Variants in KLHL24 observed in about 807,000 individuals in gnomAD.
KLHL24 encodes the protein kelch like family member 24.
Under a neutral mutation model 53.4 loss-of-function variants are expected in KLHL24, and 29 were observed. The observed-to-expected ratio is 0.54, with a 90% CI of 0.40 to 0.74. The LOEUF (loss-of-function observed/expected upper bound fraction) is 0.74. Among genes scored for constraint, KLHL24 ranks in the 30% least tolerant of loss-of-function variants. KLHL24 has a pLI of 0.00. For synonymous variants in KLHL24, 222 were observed against 253.7 expected (o/e 0.88, Z 1.19); for missense variants, 504 against 744.0 (o/e 0.68, Z 3.75).
intron 1 of KLHL24, chr3:183,636,399 C>CCCCCGT (rs1269907871): frequency 6.6e-6 from 1 of 152,196 alleles, no homozygotes; most frequent in Non-Finnish European, 1.5e-5. Flanking sequence ...GTTACCCCCG[C>CCCCCGT]CCCCGTCCCC....
At chr3:183,659,916 A>G (rs189459386) in intron 3 of KLHL24, among the ~76,000 whole-genome samples, 83 of 152,268 alleles carry the variant, frequency 5.5e-4, no homozygotes, top group Non-Finnish European at 1.1e-3. Context: ...ATCCTGTGCT[A>G]GGTTGAGCAG....
intron 1 of KLHL24, among the ~76,000 whole-genome samples, chr3:183,636,899 A>C (rs1378820486): frequency 6.6e-6 from 1 of 151,896 alleles, no homozygotes; most frequent in Non-Finnish European, 1.5e-5. Context: ...CTGCTGCCTG[A>C]TCCTGCAGGC....
At chr3:183,647,303 T>A (rs140166005) in intron 2 of KLHL24, among the ~76,000 whole-genome samples, 3,423 of 151,884 alleles carry the variant, frequency 0.023, 109 homozygotes, top group East Asian at 0.16. Flanking sequence ...GTAGTTCCAG[T>A]TACTCAGGAG....
chr3:183,665,272 A>G (rs557031957), intron 5 of KLHL24, among the ~76,000 whole-genome samples: 1 of 152,288 alleles, frequency 6.6e-6, no homozygotes, highest in African/African-American at 2.4e-5. Flanking sequence ...TTCTCTTCTC[A>G]TGCATCACTG....
rs770106373 is a variant in KLHL24 at position 183,650,404 on chromosome 3, G to A, written c.48G>A (p.Val16=). The A allele has an allele frequency of 3.7e-6, 6 of 1,614,118 alleles. No homozygotes were observed. Among genetic ancestry groups the A allele is most frequent in the East Asian group, 2.2e-5 (1 of 44,884 alleles). Residue 16 remains valine, a synonymous_variant, in exon 3 of 8, where the codon GTG becomes GTA. Transcript: ENST00000242810. The surrounding 1 kb of genome is among the most constrained non-coding windows in gnomAD (Gnocchi z 4.5). ...GRRLNREDLG[V]RDSPATKRKV... ...GACTAAACAGAGAGGATCTTGGGGTGCGTGATTCCCCAGCAACTAAGCGAA... is the reference window on the plus strand; with the variant it reads ...GACTAAACAGAGAGGATCTTGGGGTACGTGATTCCCCAGCAACTAAGCGAA...
At position 183,683,350 on chromosome 3, in the gene KLHL24, A is replaced by C. The variant is rs1712886896; in HGVS notation, c.*4064A>C. 1 of 152,626 alleles carries C rather than the reference A, an allele frequency of 6.6e-6. No individual in the cohort carries two copies. The highest frequency in any genetic ancestry group is 1.5e-5 in the Non-Finnish European group (1 of 68,018). 9.5% of individuals were successfully genotyped at this position (152,626 alleles called of 1,614,324 possible). On this transcript the variant is annotated 3_prime_UTR_variant, in exon 8 of 8. Coordinates refer to ENST00000242810, the MANE Select transcript of KLHL24 (RefSeq NM_017644.3). The stretch of plus-strand genomic sequence containing the variant: ...TAAACTCAAGACACCAGTTAACCTC[A>C]ACAGAGTTTTGGCCTTATTAGAATT...
chr3:183,676,262 A>C (rs1490459635), intron 7 of KLHL24, among the ~76,000 whole-genome samples: 5 of 152,026 alleles, frequency 3.3e-5, no homozygotes, highest in Admixed American at 2.6e-4. Flanking sequence ...CACCCAGCTA[A>C]TTTTTGTATT....
chr3:183,675,249 A>C (rs17621407), intron 7 of KLHL24, among the ~76,000 whole-genome samples: 20,704 of 152,218 alleles, frequency 0.14, 1,799 homozygotes, highest in South Asian at 0.2. Flanking sequence ...ATAGATTATA[A>C]GGATAGTGAA....
chr3:183,650,452 ATC>A lies in KLHL24; in HGVS notation c.100_101del (p.Leu34AspfsTer4). 1 of 1,614,194 alleles carries A rather than the reference ATC, an allele frequency of 6.2e-7. No individual in the cohort carries two copies. The highest frequency in any genetic ancestry group is 8.5e-7 in the Non-Finnish European group (1 of 1,180,026). On this transcript the variant is annotated frameshift_variant, in exon 3 of 8. Transcript: ENST00000242810. LOFTEE classifies it high-confidence loss of function. The surrounding 1 kb of genome is among the most constrained non-coding windows in gnomAD (Gnocchi z 4.5). ...GAAAAGTTTTTGAAATGGACCCCAAATCTCTGACAGGTCATGAGTTTTTTGAC... is the reference window on the plus strand; with the variant it reads ...GAAAAGTTTTTGAAATGGACCCCAAATCTGACAGGTCATGAGTTTTTTGAC... ...KRKVFEMDPK[S>X]LTGHEFFDFS... is the part of the protein sequence containing the mutation.
At chr3:183,674,528 TTTTTTGTAC>T (rs1269702134) in intron 7 of KLHL24, among the ~76,000 whole-genome samples, 1 of 152,016 alleles carries the variant, frequency 6.6e-6, no homozygotes, top group African/African-American at 2.4e-5. Context: ...GCCCAGCTAA[TTTTTTGTAC>T]TTTTAGTAGA....
chr3:183,675,511 AC>A (rs1404760903), intron 7 of KLHL24, among the ~76,000 whole-genome samples: 4 of 152,304 alleles, frequency 2.6e-5, no homozygotes, highest in African/African-American at 7.2e-5. Context: ...GCGACAGTGT[AC>A]CCTACTTGCA....
chr3:183,658,467 CTCTT>C (rs1185151222), intron 3 of KLHL24, among the ~76,000 whole-genome samples: 1 of 152,052 alleles, frequency 6.6e-6, no homozygotes. Context: ...TTTAATCAAT[CTCTT>C]TATGGATATT....
In KLHL24 at chr3:183,663,344, T is replaced by C; in HGVS notation, c.921-114T>C. ...TTTGGCACATGCACAGAGAAGAAAC[T>C]TAACTGTTTATAATAGTGCGTGGTT... On this transcript the variant is annotated intron_variant, in intron 3 of 7. Transcript: ENST00000242810. The surrounding 1 kb of genome is among the most constrained non-coding windows in gnomAD (Gnocchi z 4.9). 2.1e-6 allele frequency: 1 copy of C among 481,986 alleles called. No homozygotes were observed. The highest frequency in any genetic ancestry group is 3.4e-6 in the Non-Finnish European group (1 of 294,398). 29.9% of individuals were successfully genotyped at this position (481,986 alleles called of 1,614,324 possible).
intron 1 of KLHL24, among the ~76,000 whole-genome samples, chr3:183,639,036 A>G (rs372836278): frequency 1.8e-4 from 28 of 152,116 alleles, no homozygotes; most frequent in Middle Eastern, 3.4e-3. Context: ...CCCCGTCTCT[A>G]CTAAAAATAC....
intron 2 of KLHL24, among the ~76,000 whole-genome samples, chr3:183,649,908 A>G (rs974671622): frequency 6.6e-6 from 1 of 152,220 alleles, no homozygotes; most frequent in Admixed American, 6.5e-5. Context: ...AATAAAAAAG[A>G]TTCTTAAAAA....
At chr3:183,655,910 A>G (rs1360727325) in intron 3 of KLHL24, among the ~76,000 whole-genome samples, 6 of 151,968 alleles carry the variant, frequency 3.9e-5, no homozygotes, top group Non-Finnish European at 7.4e-5. Flanking sequence ...CAGCCTGGCA[A>G]CAGAGAGAGA....
At chr3:183,678,206 A>G (rs1476206128) in intron 7 of KLHL24, among the ~76,000 whole-genome samples, 1 of 152,274 alleles carries the variant, frequency 6.6e-6, no homozygotes, top group Non-Finnish European at 1.5e-5. Flanking sequence ...TTGTGTGGGA[A>G]GTTAACTGTA....
Position 183,650,582 on chromosome 3 carries a change from G to T in KLHL24, c.226G>T (p.Glu76Ter). 1 of 1,613,898 alleles carries T rather than the reference G, an allele frequency of 6.2e-7. No homozygotes were observed. Among genetic ancestry groups the T allele is most frequent in the Non-Finnish European group, 8.5e-7 (1 of 1,179,770 alleles). Residue 76 changes from glutamate to a stop codon, truncating the protein, a stop_gained, in exon 3 of 8, where the codon GAA becomes TAA. Transcript: ENST00000242810. LOFTEE classifies it high-confidence loss of function. This position sits in a 1 kb window ranked among gnomAD's most constrained non-coding sequence, Gnocchi z 4.5. ...TDVIICVEGK[E>*]FPCHRAVLSA... ...TGTTATCATTTGTGTGGAAGGAAAA[G>T]AATTTCCTTGCCATAGAGCTGTGCT... is the stretch of plus-strand genomic sequence containing the variant.
chr3:183,654,319 C>T (rs1306563010), intron 3 of KLHL24, among the ~76,000 whole-genome samples: 1 of 152,158 alleles, frequency 6.6e-6, no homozygotes, highest in African/African-American at 2.4e-5. Context: ...TGATTCACAT[C>T]TCTTTGTCTT....
Sources: allele counts gnomAD v4.1 joint callset (sites outside exome capture counted in the v4.1 genomes callset), GRCh38; gene constraint gnomAD v4.1.1; non-coding constraint Gnocchi (gnomAD v3.1); transcripts MANE v1.5; gene names NCBI Gene and HGNC (gene_info 2026-07-23, HGNC 2026-07-21).